TRIO: variants seen among roughly 807,000 people sequenced by gnomAD.
TRIO encodes triple functional domain protein.
Under a neutral mutation model 351.9 loss-of-function variants are expected in TRIO, and 58 were observed. The ratio of observed to expected loss-of-function variants is 0.16; its 90% CI spans 0.13 to 0.21. The LOEUF is 0.21. TRIO is among the 10% of genes least tolerant of loss of function. The pLI, the probability that TRIO is intolerant of heterozygous loss-of-function variation, is 1.00. For synonymous variants in TRIO, 1,758 were observed against 1,595.7 expected (o/e 1.10, Z -2.42); for missense variants, 3,201 against 4,027.8 (o/e 0.79, Z 5.56).
intron 55 of TRIO, 137 bp from the exon 56 acceptor site, chr5:14,506,985 G>A (rs1012338239): frequency 1.6e-5 from 19 of 1,221,020 alleles, no homozygotes; most frequent in South Asian, 3.8e-5. Context: ...GTCTAGTCAC[G>A]CCTTAGAGGC....
chr5:14,278,095 A>AC (rs1355246363), intron 2 of TRIO, among the ~76,000 whole-genome samples: 3 of 152,168 alleles, frequency 2.0e-5, no homozygotes, highest in Non-Finnish European at 4.4e-5. Flanking sequence ...TTAGGACATG[A>AC]CTCAGCGCCT....
chr5:14,365,745 G>T (rs1744539989), intron 15 of TRIO, among the ~76,000 whole-genome samples: 1 of 152,236 alleles, frequency 6.6e-6, no homozygotes, highest in Admixed American at 6.5e-5. Context: ...AAGTCAGAAT[G>T]TAGAAGAAGA....
At chr5:14,319,601 C>G (rs944866085) in intron 9 of TRIO, among the ~76,000 whole-genome samples, 3 of 152,120 alleles carry the variant, frequency 2.0e-5, no homozygotes, top group African/African-American at 7.2e-5. Flanking sequence ...AGAGACACGA[C>G]AGTGGTTTTC....
chr5:14,402,007 T>C (rs1748112500), intron 31 of TRIO, among the ~76,000 whole-genome samples: 1 of 152,194 alleles, frequency 6.6e-6, no homozygotes, highest in Admixed American at 6.5e-5. Flanking sequence ...GTGGAAGCCA[T>C]TGTGTTCATA....
At chr5:14,187,717 T>C (rs1173773457) in intron 1 of TRIO, among the ~76,000 whole-genome samples, 1 of 152,240 alleles carries the variant, frequency 6.6e-6, no homozygotes, top group African/African-American at 2.4e-5. Flanking sequence ...TATGAATGTT[T>C]ATTTTATGTG....
intron 8 of TRIO, among the ~76,000 whole-genome samples, chr5:14,308,377 C>T (rs1738571062): frequency 2.0e-5 from 3 of 147,480 alleles, no homozygotes; most frequent in Non-Finnish European, 3.0e-5. Context: ...TTCATCTGTC[C>T]ATCCATCCAT....
intron 1 of TRIO, among the ~76,000 whole-genome samples, chr5:14,156,547 A>G (rs958577731): frequency 2.0e-5 from 3 of 152,246 alleles, no homozygotes; most frequent in African/African-American, 7.2e-5. Flanking sequence ...ATTCCAATAC[A>G]GTACCACAGG....
chr5:14,186,062 G>A (rs1790093244), intron 1 of TRIO, among the ~76,000 whole-genome samples: 2 of 152,204 alleles, frequency 1.3e-5, no homozygotes, highest in African/African-American at 4.8e-5. Context: ...CACCCAATTA[G>A]CACTACTGAG....
chr5:14,149,188 G>A lies in TRIO; in HGVS notation c.157+5306G>A, dbSNP rs1017886562. Among the ~76,000 whole-genome samples the A allele has an allele frequency of 1.1e-4, 16 of 152,242 alleles. No individual in the cohort carries two copies. In the East Asian group the frequency reaches 3.1e-3, roughly 29 times the overall value. ...CCCCTGGTCTCCTCCCCCTGTGCCC[G>A]CAGAACAGGACTTCGCTCTCACTGC... is the stretch of plus-strand genomic sequence containing the variant. On this transcript the variant is annotated intron_variant, in intron 1 of 56. Coordinates refer to ENST00000344204, the MANE Select transcript of TRIO (RefSeq NM_007118.4).
intron 1 of TRIO, among the ~76,000 whole-genome samples, chr5:14,182,047 T>C (rs1219768534): frequency 6.6e-6 from 1 of 152,230 alleles, no homozygotes; most frequent in Non-Finnish European, 1.5e-5. Flanking sequence ...CCACATATCA[T>C]TGAATTTCAT....
chr5:14,294,044 A>G (rs1275854299), intron 6 of TRIO, among the ~76,000 whole-genome samples: 1 of 151,910 alleles, frequency 6.6e-6, no homozygotes, highest in Non-Finnish European at 1.5e-5. Context: ...AAATTAGCCA[A>G]GTGTGGTGGT....
At chr5:14,420,282 G>A (rs1750011434) in intron 34 of TRIO, 2 of 452,842 alleles carry the variant, frequency 4.4e-6, no homozygotes, top group Non-Finnish European at 7.9e-6. Flanking sequence ...GTTTAGAGAA[G>A]AACACTGATT....
At chr5:14,241,890 G>C (rs1008363889) in intron 1 of TRIO, among the ~76,000 whole-genome samples, 2 of 152,190 alleles carry the variant, frequency 1.3e-5, no homozygotes, top group East Asian at 3.9e-4. Context: ...TTTTTTTGTA[G>C]CAGTTCAATA....
Position 14,504,332 on chromosome 5 carries a change from G to C in TRIO, c.8412-61G>C, listed in dbSNP as rs569987748. ...CAGCCAGTCCATTTAGGATAACAGAGTCTTTCTCGGTGCCAGACCTCAGCA... is the reference window on the plus strand; with the variant it reads ...CAGCCAGTCCATTTAGGATAACAGACTCTTTCTCGGTGCCAGACCTCAGCA... On this transcript the variant is annotated intron_variant, in intron 54 of 56. Transcript: ENST00000344204. 85 of 1,576,510 alleles carry C rather than the reference G, an allele frequency of 5.4e-5. No individual in the cohort carries two copies. In the South Asian group the frequency reaches 8.1e-4, roughly 15 times the overall value.
chr5:14,190,938 CT>C (rs1790418053), intron 1 of TRIO, among the ~76,000 whole-genome samples: 1 of 152,160 alleles, frequency 6.6e-6, no homozygotes. Context: ...TCCGATTTCC[CT>C]CATGCATTAG....
chr5:14,276,032 C>G (rs1735491529), intron 2 of TRIO, among the ~76,000 whole-genome samples: 1 of 144,046 alleles, frequency 6.9e-6, no homozygotes, highest in Admixed American at 7.1e-5. Context: ...CAGTCAGATG[C>G]CCATTGATGG....
rs186865270 is a variant in TRIO at position 14,465,864 on chromosome 5, G to A, written c.5763+224G>A. On this transcript the variant is annotated intron_variant, in intron 37 of 56. Transcript: ENST00000344204. Reference sequence around the variant, plus strand: ...CATTTGCAGTGTATTCCCATGAAAGGACACAGATCAAAATAGGCAAGGGAA... The same window carrying A: ...CATTTGCAGTGTATTCCCATGAAAGAACACAGATCAAAATAGGCAAGGGAA... The A allele has an allele frequency of 4.3e-4, 236 of 552,308 alleles. 1 individual carries two copies. The highest frequency in any genetic ancestry group is 3.9e-3 in the African/African-American group (209 of 53,028). The allele number at this position is 552,308 out of a possible 1,614,324, so 34.2% of individuals were successfully genotyped here.
At chr5:14,152,690 C>T (rs562202713) in intron 1 of TRIO, among the ~76,000 whole-genome samples, 2 of 152,192 alleles carry the variant, frequency 1.3e-5, no homozygotes, top group South Asian at 2.1e-4. Context: ...TTAAGAGTCA[C>T]TTCACCTCCA....
chr5:14,336,839 G>A, intron 11 of TRIO, 112 bp downstream of exon 11: 2 of 1,161,678 alleles, frequency 1.7e-6, no homozygotes, highest in Non-Finnish European at 2.5e-6. Flanking sequence ...GTGGCAAGTT[G>A]TAAGATGTAG....
Sources: gnomAD v4.1 joint callset for allele counts (sites outside exome capture counted in the v4.1 genomes callset) on GRCh38, gnomAD v4.1.1 for gene constraint, MANE v1.5 for transcripts, NCBI Gene and HGNC (gene_info 2026-07-23, HGNC 2026-07-21) for gene names.